Variants in DEPDC5 observed in about 807,000 individuals in gnomAD.
DEPDC5 encodes the protein GATOR1 complex protein DEPDC5.
A neutral mutation model predicts 217.3 loss-of-function variants in DEPDC5; 73 were observed. That is an observed-to-expected ratio of 0.34 (90% CI 0.28 to 0.41). The LOEUF (loss-of-function observed/expected upper bound fraction) is 0.41, where lower values mean the gene tolerates loss of function less well. DEPDC5 is among the 10% of genes least tolerant of loss of function. The pLI, the probability that DEPDC5 is intolerant of heterozygous loss-of-function variation, is 1.00. For synonymous variants in DEPDC5, 733 were observed against 756.7 expected, an observed-to-expected ratio of 0.97 and a Z score of 0.51; for missense variants, 1,675 against 2,070.1, an observed-to-expected ratio of 0.81 and a Z score of 3.70.
chr22:31,822,217 G>T (rs937654124), intron 23 of DEPDC5, among the ~76,000 whole-genome samples: 1 of 152,206 alleles, frequency 6.6e-6, no homozygotes. Flanking sequence ...GTTACACCTG[G>T]ACTCAATATT....
intron 2 of DEPDC5, among the ~76,000 whole-genome samples, chr22:31,758,311 G>T (rs2082103277): frequency 6.6e-6 from 1 of 152,174 alleles, no homozygotes; most frequent in African/African-American, 2.4e-5. Flanking sequence ...TGCGGTAGTA[G>T]AAAGGGCACA....
intron 20 of DEPDC5, among the ~76,000 whole-genome samples, chr22:31,812,802 G>A (rs931806888): frequency 1.2e-4 from 17 of 146,586 alleles, no homozygotes; most frequent in Middle Eastern, 3.5e-3. Flanking sequence ...GTGCAATGGT[G>A]TAATCTCAGC....
chr22:31,881,717 A>G (rs928647948), intron 38 of DEPDC5, among the ~76,000 whole-genome samples: 2 of 152,094 alleles, frequency 1.3e-5, no homozygotes, highest in Non-Finnish European at 2.9e-5. Flanking sequence ...AGGCTGAGGC[A>G]GGAGGATCAC....
intron 4 of DEPDC5, 102 bp downstream of exon 4, chr22:31,760,804 T>C: frequency 2.1e-6 from 2 of 970,968 alleles, no homozygotes; most frequent in South Asian, 3.2e-5. Context: ...AGTAATTCTC[T>C]TCTTTTTTAA....
intron 29 of DEPDC5, among the ~76,000 whole-genome samples, chr22:31,844,514 T>G (rs556638461): frequency 2.8e-4 from 42 of 152,286 alleles, no homozygotes; most frequent in African/African-American, 9.6e-4. Context: ...CAGTGCAGAT[T>G]GCCTTCTTAA....
At chr22:31,867,816 G>T (rs1424632676) in intron 33 of DEPDC5, among the ~76,000 whole-genome samples, 1 of 152,158 alleles carries the variant, frequency 6.6e-6, no homozygotes, top group African/African-American at 2.4e-5. Flanking sequence ...AAATAGGACT[G>T]CAGGACTAAT....
At chr22:31,834,585 C>T (rs1265892577) in intron 25 of DEPDC5, among the ~76,000 whole-genome samples, 1 of 150,468 alleles carries the variant, frequency 6.6e-6, no homozygotes, top group South Asian at 2.1e-4. Flanking sequence ...GACGTGATCT[C>T]GGCTCACTGC....
intron 34 of DEPDC5, among the ~76,000 whole-genome samples, chr22:31,873,018 G>A (rs922164817): frequency 6.6e-6 from 1 of 152,092 alleles, no homozygotes; most frequent in Non-Finnish European, 1.5e-5. Context: ...GCTTCCCAAA[G>A]TGCTGGGATT....
chr22:31,905,624 T>C lies in DEPDC5; in HGVS notation c.4437-360T>C, dbSNP rs185236955. Among the ~76,000 whole-genome samples the C allele has an allele frequency of 4.4e-3, 663 of 151,864 alleles. 1 individual carries two copies. The highest frequency in any genetic ancestry group is 0.013 in the African/African-American group (557 of 41,446). On this transcript the variant is annotated intron_variant, in intron 41 of 42. Coordinates refer to ENST00000651528, the MANE Select transcript of DEPDC5 (RefSeq NM_001242896.3). ...GAGAACGCTCAGTGGGAAGGTCTGC[T>C]GGGATGGGTAGGGAACATGGTAGGA...
At chr22:31,763,798 A>G (rs1485068960) in intron 4 of DEPDC5, among the ~76,000 whole-genome samples, 1 of 151,168 alleles carries the variant, frequency 6.6e-6, no homozygotes, top group Non-Finnish European at 1.5e-5. Context: ...AAACCTGGCT[A>G]CTCTGGTTAC....
chr22:31,886,772 AAAAAG>A (rs1348011284), intron 38 of DEPDC5, among the ~76,000 whole-genome samples: 7 of 135,352 alleles, frequency 5.2e-5, no homozygotes, highest in African/African-American at 2.1e-4. Context: ...AAAAAAAAAA[AAAAAG>A]AGAGAGAGAG....
chr22:31,784,934 A>T, intron 10 of DEPDC5, 59 bp downstream of exon 10: 3 of 1,491,882 alleles, frequency 2.0e-6, no homozygotes, highest in South Asian at 1.2e-5. Context: ...TCAGATTTTT[A>T]AAATGCACTG....
chr22:31,845,345 G>T, intron 30 of DEPDC5, 108 bp downstream of exon 30: 1 of 1,381,676 alleles, frequency 7.2e-7, no homozygotes, highest in Non-Finnish European at 9.9e-7. Flanking sequence ...CTCCTCAGCT[G>T]CCCAGTGTTT....
intron 30 of DEPDC5, among the ~76,000 whole-genome samples, chr22:31,846,439 T>C (rs993031604): frequency 4.1e-4 from 62 of 152,286 alleles, no homozygotes; most frequent in African/African-American, 1.4e-3. Context: ...TAGAAACGTG[T>C]CTGGGAGAGC....
intron 40 of DEPDC5, among the ~76,000 whole-genome samples, chr22:31,899,041 C>T (rs186738532): frequency 1.1e-3 from 168 of 152,330 alleles, no homozygotes; most frequent in African/African-American, 3.8e-3. Flanking sequence ...CCGAAACTGT[C>T]CAAAGACTCT....
intron 6 of DEPDC5, among the ~76,000 whole-genome samples, chr22:31,767,323 G>T (rs2082904808): frequency 6.6e-6 from 1 of 151,648 alleles, no homozygotes; most frequent in African/African-American, 2.4e-5. Context: ...TTTTGAGACG[G>T]AGTTTCTTGT....
At position 31,806,173 on chromosome 22, in the gene DEPDC5, A is replaced by G. The variant is rs778795541; in HGVS notation, c.1269A>G (p.Ile423Met). The change falls in exon 18 of 43, where the codon ATA becomes ATG. Residue 423 changes from isoleucine to methionine, a missense_variant. By Grantham distance (10) the Ile-to-Met change is conservative. This residue lies in a region of DEPDC5 where 628 missense variants were observed against 762.1 expected (regional missense o/e 0.82). Coordinates refer to ENST00000651528, the MANE Select transcript of DEPDC5 (RefSeq NM_001242896.3). The part of the protein sequence containing the change: ...QLFCNSFTPR[I>M]KLAGKKPASE... ...TTTGTAATAGTTTCACCCCACGAAT[A>G]AAACTGGCAGGAAAGAAGGTAGGTT... is the stretch of plus-strand genomic sequence containing the variant. 34 of 1,613,938 alleles carry G rather than the reference A, an allele frequency of 2.1e-5. No homozygotes were observed. The highest frequency in any genetic ancestry group is 2.8e-5 in the Non-Finnish European group (33 of 1,179,944).
At chr22:31,811,895 T>C (rs983582704) in intron 20 of DEPDC5, among the ~76,000 whole-genome samples, 4 of 152,224 alleles carry the variant, frequency 2.6e-5, no homozygotes, top group Non-Finnish European at 4.4e-5. Flanking sequence ...ATCTATTCAT[T>C]TGTGGGTCTT....
chr22:31,872,008 C>A (rs1055701016), intron 34 of DEPDC5, among the ~76,000 whole-genome samples: 4 of 152,152 alleles, frequency 2.6e-5, no homozygotes, highest in African/African-American at 9.7e-5. Context: ...TTTTTCTAAC[C>A]CTGAAATTCT....
Sources: allele counts gnomAD v4.1 joint callset (sites outside exome capture counted in the v4.1 genomes callset), GRCh38; gene constraint gnomAD v4.1.1; regional missense constraint gnomAD v4.1.1; transcripts MANE v1.5; gene names NCBI Gene and HGNC (gene_info 2026-07-23, HGNC 2026-07-21).